The following INTS9 variants were observed in gnomAD, a reference collection of about 807,000 sequenced individuals.
INTS9 encodes integrator complex subunit 9, also known as protein related to CPSF subunits of 74 kDa.
A neutral mutation model predicts 79.7 loss-of-function variants in INTS9; 55 were observed. That is an observed-to-expected ratio of 0.69 (90% CI 0.56 to 0.86). INTS9 has a LOEUF of 0.86. INTS9 is among the 40% of genes least tolerant of loss of function. The probability of loss-of-function intolerance (pLI) is 0.00; values close to 1 mark genes in which losing one functional copy is unlikely to be tolerated. For synonymous variants in INTS9, 319 were observed against 325.2 expected (o/e 0.98, Z 0.20); for missense variants, 721 against 831.5 (o/e 0.87, Z 1.64).
rs1451478605 is a variant in INTS9 at position 28,851,394 on chromosome 8, G to C, written c.138-1121C>G. On this transcript the variant is annotated intron_variant, in intron 2 of 16. Coordinates refer to ENST00000521022, the MANE Select transcript of INTS9 (RefSeq NM_018250.4). ...TAAATGCATCTATTTTCAGAAAAAAGTGAGAATTGGGGGTGGGGTAAGTTT... is the reference window on the plus strand; with the variant it reads ...TAAATGCATCTATTTTCAGAAAAAACTGAGAATTGGGGGTGGGGTAAGTTT... 5.3e-5 allele frequency among the ~76,000 whole-genome samples: 8 copies of C among 151,950 alleles called. No homozygotes were observed. The East Asian group carries it at 1.3e-3, about 26-fold the overall frequency.
chr8:28,814,014 C>T (rs1055753950), intron 6 of INTS9, among the ~76,000 whole-genome samples: 4 of 151,678 alleles, frequency 2.6e-5, no homozygotes, highest in African/African-American at 9.7e-5. Context: ...CCAACTCGGC[C>T]TCCCAAAGTG....
At chr8:28,870,516 T>G (rs1484076961) in intron 1 of INTS9, among the ~76,000 whole-genome samples, 4 of 152,140 alleles carry the variant, frequency 2.6e-5, no homozygotes, top group African/African-American at 9.7e-5. Flanking sequence ...TGTAAATGGC[T>G]AGAGGATCAG....
chr8:28,868,049 A>G (rs114651954), intron 1 of INTS9, among the ~76,000 whole-genome samples: 3 of 152,320 alleles, frequency 2.0e-5, no homozygotes, highest in Admixed American at 6.5e-5. Context: ...CACAGCATAC[A>G]CACCGTGTTA....
intron 8 of INTS9, among the ~76,000 whole-genome samples, chr8:28,799,819 A>G (rs1446232731): frequency 6.6e-6 from 1 of 152,226 alleles, no homozygotes; most frequent in Non-Finnish European, 1.5e-5. Context: ...CTAGCCAGCA[A>G]CACCCAACTC....
chr8:28,864,636 A>G (rs919897250), intron 1 of INTS9, among the ~76,000 whole-genome samples: 2 of 152,160 alleles, frequency 1.3e-5, no homozygotes, highest in Non-Finnish European at 2.9e-5. Flanking sequence ...TTATTATACT[A>G]ATTTCTTTTT....
At chr8:28,837,387 G>A (rs568791683) in intron 5 of INTS9, among the ~76,000 whole-genome samples, 1 of 152,184 alleles carries the variant, frequency 6.6e-6, no homozygotes, top group South Asian at 2.1e-4. Context: ...CTGTACAGAG[G>A]AGCCGTCTCC....
At chr8:28,818,974 T>C (rs1487227329) in intron 6 of INTS9, among the ~76,000 whole-genome samples, 1 of 152,214 alleles carries the variant, frequency 6.6e-6, no homozygotes, top group African/African-American at 2.4e-5. Context: ...TGGTAGTTTG[T>C]ATTTCTGTGG....
Position 28,835,228 on chromosome 8 carries a change from T to C in INTS9, c.488+64A>G, listed in dbSNP as rs1585437748. On this transcript the variant is annotated intron_variant, in intron 6 of 16. Coordinates refer to ENST00000521022, the MANE Select transcript of INTS9 (RefSeq NM_018250.4). The stretch of plus-strand genomic sequence containing the variant: ...TTTAAGCATAGAGGAAGAAATCAAA[T>C]GAGACTGCTTTGCAAAGCACCTGGC... 7 of 1,047,226 alleles carry C rather than the reference T, an allele frequency of 6.7e-6. No individual in the cohort carries two copies. The East Asian group carries it at 1.7e-4, about 25-fold the overall frequency. The allele number at this position is 1,047,226 out of a possible 1,614,324, so 64.9% of individuals were successfully genotyped here. A position where few individuals can be genotyped will look rare whatever the true frequency, so the allele number is the denominator to read the frequency against.
chr8:28,837,784 G>C lies in INTS9; in HGVS notation c.262-8C>G. The C allele has an allele frequency of 6.2e-7, 1 of 1,611,598 alleles. No homozygotes were observed. The highest frequency in any genetic ancestry group is 8.5e-7 in the Non-Finnish European group (1 of 1,178,386). On this transcript the variant is annotated splice_region_variant and splice_polypyrimidine_tract_variant and intron_variant, in intron 4 of 16. Coordinates refer to ENST00000521022, the MANE Select transcript of INTS9 (RefSeq NM_018250.4). The stretch of plus-strand genomic sequence containing the variant: ...CAGATCTATTAGCTCCGTCTGAAAA[G>C]AAAGGGAGGGAATGATATATATCTG...
At chr8:28,774,347 T>G (rs1359984562) in intron 14 of INTS9, among the ~76,000 whole-genome samples, 1 of 152,232 alleles carries the variant, frequency 6.6e-6, no homozygotes, top group East Asian at 1.9e-4. Flanking sequence ...TTAGTTTTAA[T>G]TTCTCATATA....
At chr8:28,886,356 T>C (rs1810175147) in intron 1 of INTS9, among the ~76,000 whole-genome samples, 1 of 151,774 alleles carries the variant, frequency 6.6e-6, no homozygotes, top group African/African-American at 2.4e-5. Context: ...CAAGTGATCC[T>C]CCTGCCTCAG....
At chr8:28,859,032 C>T (rs1348022766) in intron 2 of INTS9, among the ~76,000 whole-genome samples, 2 of 152,128 alleles carry the variant, frequency 1.3e-5, no homozygotes, top group East Asian at 1.9e-4. Context: ...GAAAATAATG[C>T]ACAGATGCCT....
chr8:28,850,047 A>G (rs906850715), intron 3 of INTS9, 166 bp downstream of exon 3: 10 of 511,998 alleles, frequency 2.0e-5, no homozygotes, highest in African/African-American at 1.9e-4. Context: ...ACATGCTTAA[A>G]AACAGCAGTT....
In INTS9 at chr8:28,768,207, T is replaced by C. The variant is rs764380381; in HGVS notation, c.1916A>G (p.Asn639Ser). The stretch of plus-strand genomic sequence containing the variant: ...CAGTCGCACTCTGAGCATCTCGTCA[T>C]TGTCGCAGATGATATGGGTCGAGTC... ...EEDSTHIICDNDEMLRVRLRD... is the reference protein window; with the variant it reads ...EEDSTHIICDSDEMLRVRLRD... The change falls in exon 17 of 17, where the codon AAT becomes AGT. Residue 639 changes from asparagine to serine, a missense_variant. Physicochemically the swap from Asn to Ser is conservative, Grantham distance 46. This residue lies in a region of INTS9 where 281 missense variants were observed against 300.8 expected (regional missense o/e 0.93). Transcript: ENST00000521022. 1 of 1,614,066 alleles carries C rather than the reference T, an allele frequency of 6.2e-7. No individual in the cohort carries two copies. The highest frequency in any genetic ancestry group is 1.3e-5 in the African/African-American group (1 of 74,916).
At chr8:28,796,102 G>C (rs1190307455) in intron 9 of INTS9, among the ~76,000 whole-genome samples, 1 of 152,216 alleles carries the variant, frequency 6.6e-6, no homozygotes, top group African/African-American at 2.4e-5. Context: ...CTGAGGTCAG[G>C]AGTTCCAGAC....
At chr8:28,781,683 A>G (rs1456121202) in intron 11 of INTS9, among the ~76,000 whole-genome samples, 2 of 152,214 alleles carry the variant, frequency 1.3e-5, no homozygotes, top group Non-Finnish European at 2.9e-5. Flanking sequence ...CCACTCTGAA[A>G]AGCCAAGGCC....
At chr8:28,850,496 T>C (rs996987371) in intron 2 of INTS9, among the ~76,000 whole-genome samples, 14 of 152,070 alleles carry the variant, frequency 9.2e-5, no homozygotes, top group African/African-American at 3.4e-4. Flanking sequence ...TAGTGGAAAA[T>C]TGGAAAAACT....
In INTS9 at chr8:28,833,109, C is replaced by T. The variant is rs115034139; in HGVS notation, c.488+2183G>A. On this transcript the variant is annotated intron_variant, in intron 6 of 16. Transcript: ENST00000521022. ...TGTACAAAGGAATGCACGGAGGAGA[C>T]TCATGCTCAAGCTCCGAAATAGTCA... is the stretch of plus-strand genomic sequence containing the variant. Among the ~76,000 whole-genome samples, 624 of 152,272 alleles carry T rather than the reference C, an allele frequency of 4.1e-3. 5 individuals are homozygous for T. Among genetic ancestry groups the T allele is most frequent in the African/African-American group, 0.014 (571 of 41,538 alleles).
intron 8 of INTS9, among the ~76,000 whole-genome samples, chr8:28,799,067 C>T (rs916908222): frequency 6.6e-6 from 1 of 151,964 alleles, no homozygotes; most frequent in Non-Finnish European, 1.5e-5. Flanking sequence ...GAGGCCAAGG[C>T]GGGTGGATCA....
Sources: allele counts gnomAD v4.1 joint callset (sites outside exome capture counted in the v4.1 genomes callset), GRCh38; gene constraint gnomAD v4.1.1; regional missense constraint gnomAD v4.1.1; transcripts MANE v1.5; gene names NCBI Gene and HGNC (gene_info 2026-07-23, HGNC 2026-07-21).